ATXN7L1: variants seen among roughly 807,000 people sequenced by gnomAD.
The protein encoded by ATXN7L1 is ataxin 7 like 1.
A neutral mutation model predicts 70.8 loss-of-function variants in ATXN7L1; 15 were observed. The ratio of observed to expected loss-of-function variants is 0.21; its 90% CI spans 0.14 to 0.33. The LOEUF is 0.33. ATXN7L1 is among the 10% of genes least tolerant of loss of function. The pLI is 1.00. For synonymous variants in ATXN7L1, 440 were observed against 445.1 expected, an observed-to-expected ratio of 0.99 and a Z score of 0.14; for missense variants, 975 against 1,097.1, an observed-to-expected ratio of 0.89 and a Z score of 1.57.
intron 3 of ATXN7L1, among the ~76,000 whole-genome samples, chr7:105,753,160 G>A (rs73413239): frequency 0.014 from 2,108 of 152,314 alleles, 47 homozygotes; most frequent in African/African-American, 0.048. Flanking sequence ...TCTCAAGGAC[G>A]GCTGAAGGAG....
At chr7:105,813,197 A>G (rs1168523711) in intron 2 of ATXN7L1, among the ~76,000 whole-genome samples, 1 of 152,192 alleles carries the variant, frequency 6.6e-6, no homozygotes, top group Non-Finnish European at 1.5e-5. Context: ...AAAACCAGAG[A>G]CACTGTATCT....
At chr7:105,785,193 C>A (rs531767113) in intron 3 of ATXN7L1, among the ~76,000 whole-genome samples, 1 of 152,214 alleles carries the variant, frequency 6.6e-6, no homozygotes, top group Non-Finnish European at 1.5e-5. Flanking sequence ...AGGCTGGGCA[C>A]GATGGCTCAT....
intron 2 of ATXN7L1, among the ~76,000 whole-genome samples, chr7:105,798,599 GGCTCATGCATATCTTCA>G (rs1806338959): frequency 6.6e-6 from 1 of 152,180 alleles, no homozygotes. Context: ...GCCTGCCTTA[GGCTCATGCATATCTTCA>G]TCTTCCCCAC....
chr7:105,864,503 C>G lies in ATXN7L1; in HGVS notation c.250+11309G>C, dbSNP rs182078936. Among the ~76,000 whole-genome samples, 373 of 143,358 alleles carry G rather than the reference C, an allele frequency of 2.6e-3. 3 individuals carry two copies. Among genetic ancestry groups the G allele is most frequent in the African/African-American group, 8.9e-3 (349 of 39,034 alleles). The allele number at this position is 143,358 out of a possible 152,430, so 94.0% of individuals were successfully genotyped here. On this transcript the variant is annotated intron_variant, in intron 2 of 11. Transcript: ENST00000419735. ...AAAAAGGACATTCCTGGTTCCTGTG[C>G]TTCACTCCCGGTTGTTTCGTTTTAG...
At chr7:105,718,366 A>G (rs1045513343) in intron 3 of ATXN7L1, among the ~76,000 whole-genome samples, 4 of 152,212 alleles carry the variant, frequency 2.6e-5, no homozygotes, top group African/African-American at 9.7e-5. Context: ...CTGGGTGCCA[A>G]CTGGAGTGAG....
At chr7:105,834,651 G>GTC (rs1456353516) in intron 2 of ATXN7L1, among the ~76,000 whole-genome samples, 1 of 152,160 alleles carries the variant, frequency 6.6e-6, no homozygotes, top group Non-Finnish European at 1.5e-5. Context: ...TTTCTGATGA[G>GTC]TCTGTAAGTT....
chr7:105,766,222 C>T (rs973796242), intron 3 of ATXN7L1, among the ~76,000 whole-genome samples: 2 of 150,688 alleles, frequency 1.3e-5, no homozygotes, highest in African/African-American at 2.4e-5. Context: ...GTGGCTTTAT[C>T]GATATATAAG....
chr7:105,844,685 C>T (rs1813712363), intron 2 of ATXN7L1, among the ~76,000 whole-genome samples: 1 of 152,184 alleles, frequency 6.6e-6, no homozygotes, highest in Non-Finnish European at 1.5e-5. Context: ...AATGTCCACT[C>T]TCACCATCAG....
intron 3 of ATXN7L1, among the ~76,000 whole-genome samples, chr7:105,751,533 G>T (rs1584919883): frequency 6.6e-6 from 1 of 152,230 alleles, no homozygotes; most frequent in East Asian, 1.9e-4. Flanking sequence ...CTCCTTGGGA[G>T]ACTGAGGTGG....
intron 3 of ATXN7L1, among the ~76,000 whole-genome samples, chr7:105,708,680 CT>C (rs1196686360): frequency 1.4e-5 from 2 of 146,318 alleles, no homozygotes; most frequent in Non-Finnish European, 1.5e-5. Flanking sequence ...TAGTTATCAT[CT>C]GTTTGTATAA....
chr7:105,683,489 G>C (rs1805800645), intron 3 of ATXN7L1, among the ~76,000 whole-genome samples: 2 of 152,210 alleles, frequency 1.3e-5, no homozygotes, highest in South Asian at 4.1e-4. Flanking sequence ...GACCCTCCTG[G>C]CCAACATGGT....
chr7:105,756,161 T>C (rs1462584579), intron 3 of ATXN7L1, among the ~76,000 whole-genome samples: 1 of 152,214 alleles, frequency 6.6e-6, no homozygotes, highest in East Asian at 1.9e-4. Flanking sequence ...ACTCTTGCTG[T>C]CCAATCTGCA....
At chr7:105,721,234 A>C (rs1795145663) in intron 3 of ATXN7L1, among the ~76,000 whole-genome samples, 1 of 152,160 alleles carries the variant, frequency 6.6e-6, no homozygotes, top group South Asian at 2.1e-4. Context: ...CTTCAGGGTG[A>C]CAGGGCACAG....
chr7:105,670,734 TG>T (rs2116099979), intron 3 of ATXN7L1, among the ~76,000 whole-genome samples: 1 of 148,772 alleles, frequency 6.7e-6, no homozygotes, highest in South Asian at 2.1e-4. Flanking sequence ...GAGGCCAAGG[TG>T]GGTGGATCAC....
intron 3 of ATXN7L1, among the ~76,000 whole-genome samples, chr7:105,671,277 G>A (rs1243344122): frequency 8.2e-6 from 1 of 122,536 alleles, no homozygotes; most frequent in Non-Finnish European, 1.8e-5. Context: ...GTGAGACTCC[G>A]TCTCAAAAAA....
At chr7:105,779,065 T>A (rs1803174077) in intron 3 of ATXN7L1, among the ~76,000 whole-genome samples, 1 of 152,208 alleles carries the variant, frequency 6.6e-6, no homozygotes, top group Admixed American at 6.5e-5. Context: ...TGCATCAAAG[T>A]TTAGTTATGG....
chr7:105,662,769 T>C (rs1801919304), intron 4 of ATXN7L1, among the ~76,000 whole-genome samples: 1 of 152,232 alleles, frequency 6.6e-6, no homozygotes, highest in Non-Finnish European at 1.5e-5. Context: ...CTCTAATTTT[T>C]TTTAGAGAGA....
At chr7:105,759,486 G>C (rs1584938942) in intron 3 of ATXN7L1, among the ~76,000 whole-genome samples, 1 of 149,366 alleles carries the variant, frequency 6.7e-6, no homozygotes, top group South Asian at 2.1e-4. Flanking sequence ...GTGTGTGTGT[G>C]TGTGTATGTC....
At chr7:105,716,292 CTT>C (rs1794536104) in intron 3 of ATXN7L1, among the ~76,000 whole-genome samples, 1 of 152,110 alleles carries the variant, frequency 6.6e-6, no homozygotes, top group Non-Finnish European at 1.5e-5. Flanking sequence ...AGTAGTTACT[CTT>C]CATATCTGTA....
Sources: allele counts gnomAD v4.1 joint callset (sites outside exome capture counted in the v4.1 genomes callset), GRCh38; gene constraint gnomAD v4.1.1; transcripts MANE v1.5; gene names NCBI Gene and HGNC (gene_info 2026-07-23, HGNC 2026-07-21).